RAD51C: variants seen among roughly 807,000 people sequenced by gnomAD.
RAD51C encodes DNA repair protein RAD51 homolog 3.
RAD51C carries 42 observed loss-of-function variants against 45.0 expected under a neutral mutation model. That is an observed-to-expected ratio of 0.93 (90% CI 0.73 to 1.21). RAD51C has a LOEUF of 1.21. Among genes scored for constraint, RAD51C ranks in the 50% most tolerant of loss-of-function variants. The probability of loss-of-function intolerance (pLI) is 0.00; values close to 1 mark genes in which losing one functional copy is unlikely to be tolerated. For synonymous variants in RAD51C, 172 were observed against 159.8 expected, an observed-to-expected ratio of 1.08 and a Z score of -0.58; for missense variants, 474 against 452.2, an observed-to-expected ratio of 1.05 and a Z score of -0.44.
At chr17:58,701,776 G>A (rs1248821211) in intron 3 of RAD51C, among the ~76,000 whole-genome samples, 2 of 151,270 alleles carry the variant, frequency 1.3e-5, no homozygotes, top group Admixed American at 6.6e-5. Flanking sequence ...TACCATGTTG[G>A]CCAGGCTGGT....
intron 4 of RAD51C, chr17:58,706,711 C>G (rs2048391898): frequency 4.8e-6 from 1 of 208,584 alleles, no homozygotes; most frequent in Non-Finnish European, 1.1e-5. Flanking sequence ...ATGGTTTTCT[C>G]TTGTGGAATC....
At position 58,709,933 on chromosome 17, in the gene RAD51C, G is replaced by T. The variant is rs1460932618; in HGVS notation, c.780G>T (p.Arg260=). Residue 260 remains arginine (R), a synonymous_variant, in exon 5 of 9, where the codon CGG becomes CGT. Transcript: ENST00000337432. Reference sequence around the variant, plus strand: ...TAGATGACCTGTCTCTTCGTACTCGGTTATTAAATGGCCTAGCCCAGCAAA... The same window carrying T: ...TAGATGACCTGTCTCTTCGTACTCGTTTATTAAATGGCCTAGCCCAGCAAA... ...HDLDDLSLRT[R]LLNGLAQQMI... 1 of 1,612,670 alleles carries T rather than the reference G, an allele frequency of 6.2e-7. No homozygotes were observed.
intron 7 of RAD51C, among the ~76,000 whole-genome samples, chr17:58,731,258 G>GTTT (rs77247264): frequency 6.7e-5 from 9 of 135,190 alleles, no homozygotes; most frequent in Non-Finnish European, 9.5e-5. Flanking sequence ...CTTAAAAGCA[G>GTTT]TTTTTTTTTT....
At chr17:58,699,927 GCGA>G (rs1284522281) in intron 3 of RAD51C, 2 of 151,934 alleles carry the variant, frequency 1.3e-5, no homozygotes, top group African/African-American at 4.8e-5. Context: ...TTGGCTTACT[GCGA>G]CCTTCACCTC....
intron 6 of RAD51C, 107 bp downstream of exon 6, chr17:58,720,919 T>C: frequency 1.1e-6 from 1 of 901,196 alleles, no homozygotes; most frequent in Non-Finnish European, 1.8e-6. Context: ...ACTGTATTTG[T>C]CTTGTTCACT....
At chr17:58,728,598 G>A (rs1054628152) in intron 7 of RAD51C, among the ~76,000 whole-genome samples, 2 of 151,688 alleles carry the variant, frequency 1.3e-5, no homozygotes, top group Non-Finnish European at 2.9e-5. Context: ...GGGTTTTGCC[G>A]TGTTGCCCAG....
chr17:58,730,042 C>T (rs1402998899), intron 7 of RAD51C, among the ~76,000 whole-genome samples: 1 of 151,930 alleles, frequency 6.6e-6, no homozygotes, highest in East Asian at 1.9e-4. Context: ...CAAAAAATGA[C>T]TTCTTAATAA....
At chr17:58,707,371 A>T (rs2048409102) in intron 4 of RAD51C, among the ~76,000 whole-genome samples, 1 of 152,112 alleles carries the variant, frequency 6.6e-6, no homozygotes, top group Admixed American at 6.6e-5. Flanking sequence ...ATACAAAAAA[A>T]TTAGCTGGGT....
rs750859385 is a variant in RAD51C at position 58,732,587 on chromosome 17, C to T, written c.1026+43C>T. On this transcript the variant is annotated intron_variant, in intron 8 of 8. Coordinates refer to ENST00000337432, the MANE Select transcript of RAD51C (RefSeq NM_058216.3). The stretch of plus-strand genomic sequence containing the variant: ...AGAGTGGGATTTTGATATTGATGGG[C>T]GGTAATTATCTAAAGAGAGAATTTA... 117 of 1,540,994 alleles carry T rather than the reference C, an allele frequency of 7.6e-5. 1 individual carries two copies. The highest frequency in any genetic ancestry group is 6.7e-4 in the Middle Eastern group (4 of 5,956).
intron 3 of RAD51C, among the ~76,000 whole-genome samples, chr17:58,698,480 G>A (rs1281942382): frequency 1.4e-5 from 2 of 139,866 alleles, no homozygotes. Flanking sequence ...CACCGCACCC[G>A]GCCACACCCA....
intron 5 of RAD51C, among the ~76,000 whole-genome samples, chr17:58,713,937 C>T (rs753745213): frequency 6.6e-6 from 1 of 152,010 alleles, no homozygotes; most frequent in African/African-American, 2.4e-5. Context: ...ACTGTGCCCA[C>T]CCTGTAGCGT....
intron 4 of RAD51C, among the ~76,000 whole-genome samples, chr17:58,708,378 C>CCTTCTCTCTTATTTACTATATT (rs570052953): frequency 8.4e-4 from 128 of 152,166 alleles, no homozygotes; most frequent in African/African-American, 2.9e-3. Context: ...AGAGCAGGGA[C>CCTTCTCTCTTATTTACTATATT]CTTCTCTCTT....
intron 7 of RAD51C, among the ~76,000 whole-genome samples, chr17:58,727,146 G>A (rs571213139): frequency 1.2e-4 from 16 of 132,182 alleles, no homozygotes; most frequent in African/African-American, 3.4e-4. Flanking sequence ...TTTTTTGAGA[G>A]GGAGTTTCGC....
chr17:58,706,439 A>G (rs970028032), intron 4 of RAD51C: 2 of 339,318 alleles, frequency 5.9e-6, no homozygotes, highest in Non-Finnish European at 1.3e-5. Flanking sequence ...CAAAAAAATA[A>G]TAATAATTAA....
At chr17:58,712,035 T>A (rs1160930061) in intron 5 of RAD51C, among the ~76,000 whole-genome samples, 2 of 145,236 alleles carry the variant, frequency 1.4e-5, no homozygotes, top group Non-Finnish European at 3.0e-5. Flanking sequence ...ACCCCATCTC[T>A]AAAAAAAAAA....
chr17:58,702,691 TAAA>T (rs528849500), intron 3 of RAD51C, among the ~76,000 whole-genome samples: 4 of 125,252 alleles, frequency 3.2e-5, no homozygotes, highest in Non-Finnish European at 5.1e-5. Context: ...AGACTTTATC[TAAA>T]AAAAAAAAAA....
At position 58,692,709 on chromosome 17, in the gene RAD51C, G is replaced by A. The variant is rs876660695; in HGVS notation, c.66G>A (p.Ala22=). 2.5e-6 allele frequency: 4 copies of A among 1,614,120 alleles called. No homozygotes were observed. The highest frequency in any genetic ancestry group is 3.4e-6 in the Non-Finnish European group (4 of 1,180,048). Residue 22 remains alanine, a synonymous_variant, in exon 1 of 9, where the codon GCG becomes GCA. Transcript: ENST00000337432. ...RDLVSFPLSP[A]VRVKLVSAGF... ...TGGTGAGTTTCCCGCTGTCTCCAGC[G>A]GTGCGGGTGAAGCTGGTGTCTGCGG...
intron 4 of RAD51C, among the ~76,000 whole-genome samples, chr17:58,707,387 G>A (rs942444538): frequency 1.3e-5 from 2 of 152,108 alleles, no homozygotes; most frequent in African/African-American, 4.8e-5. Context: ...TGGGTGTGGT[G>A]GCGTGTGCCT....
intron 5 of RAD51C, among the ~76,000 whole-genome samples, chr17:58,719,228 T>G (rs948524166): frequency 2.0e-5 from 3 of 151,546 alleles, no homozygotes; most frequent in Non-Finnish European, 4.4e-5. Context: ...AGTCTTTCTT[T>G]TTTGAGACAA....
Sources: gnomAD v4.1 joint callset for allele counts (sites outside exome capture counted in the v4.1 genomes callset) on GRCh38, gnomAD v4.1.1 for gene constraint, MANE v1.5 for transcripts, NCBI Gene and HGNC (gene_info 2026-07-23, HGNC 2026-07-21) for gene names.